TBC1D12: variants seen among roughly 807,000 people sequenced by gnomAD.
TBC1D12 encodes the protein TBC1 domain family member 12, also known as TBC1 domain family, member 12.
TBC1D12 carries 56 observed loss-of-function variants against 86.7 expected under a neutral mutation model. That is an observed-to-expected ratio of 0.65 (90% confidence interval 0.52 to 0.81). The LOEUF (loss-of-function observed/expected upper bound fraction) is 0.81, where lower values mean the gene tolerates loss of function less well. TBC1D12 is among the 30% of genes least tolerant of loss of function. The probability of loss-of-function intolerance (pLI) is 0.00; values close to 1 mark genes in which losing one functional copy is unlikely to be tolerated. For synonymous variants in TBC1D12, 421 were observed against 411.7 expected (o/e 1.02, Z -0.27); for missense variants, 1,023 against 1,038.8 (o/e 0.98, Z 0.21).
intron 6 of TBC1D12, among the ~76,000 whole-genome samples, chr10:94,505,349 C>A (rs1439838470): frequency 6.6e-6 from 1 of 152,144 alleles, no homozygotes; most frequent in African/African-American, 2.4e-5. Context: ...GAGGCCGAGG[C>A]AGGTGGATCA....
At chr10:94,532,910 T>G (rs1589684283) in intron 12 of TBC1D12, 118 bp from the exon 13 acceptor site, 1 of 562,384 alleles carries the variant, frequency 1.8e-6, no homozygotes, top group Non-Finnish European at 3.0e-6. Context: ...TGACACACTT[T>G]CGGGGACAGT....
At chr10:94,433,949 TA>T (rs1188469135) in intron 1 of TBC1D12, among the ~76,000 whole-genome samples, 1 of 151,898 alleles carries the variant, frequency 6.6e-6, no homozygotes, top group South Asian at 2.1e-4. Context: ...ATAATAGCTG[TA>T]AAAAAAACAA....
intron 1 of TBC1D12, among the ~76,000 whole-genome samples, chr10:94,431,361 G>C (rs1367706138): frequency 6.6e-6 from 1 of 150,464 alleles, no homozygotes; most frequent in Non-Finnish European, 1.5e-5. Flanking sequence ...TTTGCAGTGA[G>C]CCAAGATTGC....
chr10:94,441,411 G>C (rs1259784141), intron 1 of TBC1D12, among the ~76,000 whole-genome samples: 1 of 151,818 alleles, frequency 6.6e-6, no homozygotes, highest in Admixed American at 6.6e-5. Flanking sequence ...TTTGTTTTCA[G>C]AATTTTGGCT....
chr10:94,436,908 A>G (rs1462329410), intron 1 of TBC1D12, among the ~76,000 whole-genome samples: 1 of 151,804 alleles, frequency 6.6e-6, no homozygotes, highest in Non-Finnish European at 1.5e-5. Context: ...GGATTTCACC[A>G]TGTTGGCCAG....
chr10:94,503,848 CTCTTGACCTCCAGTGA>C (rs1321284916), intron 6 of TBC1D12, among the ~76,000 whole-genome samples: 2 of 152,216 alleles, frequency 1.3e-5, no homozygotes, highest in Non-Finnish European at 2.9e-5. Context: ...TGGTCTCGAA[CTCTTGACCTCCAGTGA>C]TAGGCCCACC....
intron 12 of TBC1D12, among the ~76,000 whole-genome samples, chr10:94,532,660 T>C (rs1301336853): frequency 6.6e-6 from 1 of 152,232 alleles, no homozygotes; most frequent in East Asian, 1.9e-4. Flanking sequence ...TCCTGGCTTT[T>C]AGATGCTTAG....
intron 1 of TBC1D12, among the ~76,000 whole-genome samples, chr10:94,405,846 T>C (rs1315386056): frequency 1.3e-5 from 2 of 151,848 alleles, no homozygotes; most frequent in African/African-American, 4.8e-5. Flanking sequence ...GTTTCCCTCT[T>C]TTGCCCAGGC....
chr10:94,413,935 G>A (rs2054962342), intron 1 of TBC1D12, among the ~76,000 whole-genome samples: 1 of 151,990 alleles, frequency 6.6e-6, no homozygotes, highest in Non-Finnish European at 1.5e-5. Flanking sequence ...CATACGTTAG[G>A]CATTATTTAG....
chr10:94,433,949 T>TA (rs1188469135), intron 1 of TBC1D12, among the ~76,000 whole-genome samples: 15 of 152,016 alleles, frequency 9.9e-5, no homozygotes, highest in Admixed American at 3.3e-4. Flanking sequence ...ATAATAGCTG[T>TA]AAAAAAAACA....
intron 11 of TBC1D12, among the ~76,000 whole-genome samples, chr10:94,529,920 A>G (rs1374296011): frequency 6.6e-6 from 1 of 152,198 alleles, no homozygotes; most frequent in Non-Finnish European, 1.5e-5. Context: ...GGAGTTTTAT[A>G]CTACCAAAAG....
intron 1 of TBC1D12, among the ~76,000 whole-genome samples, chr10:94,435,083 A>G (rs1332311595): frequency 6.6e-6 from 1 of 152,216 alleles, no homozygotes; most frequent in Non-Finnish European, 1.5e-5. Context: ...ATATACCACA[A>G]TTAGAATTTT....
intron 2 of TBC1D12, among the ~76,000 whole-genome samples, chr10:94,471,496 C>A (rs1012658970): frequency 2.6e-5 from 4 of 152,182 alleles, no homozygotes; most frequent in Non-Finnish European, 4.4e-5. Flanking sequence ...TGTAATTTAA[C>A]CCACACCTTT....
intron 9 of TBC1D12, among the ~76,000 whole-genome samples, chr10:94,513,015 T>G (rs1156339869): frequency 2.0e-5 from 3 of 150,530 alleles, no homozygotes; most frequent in Non-Finnish European, 3.0e-5. Context: ...TTGGGAGGCC[T>G]AGGCGGGCAG....
intron 9 of TBC1D12, 112 bp from the exon 10 acceptor site, chr10:94,521,843 T>C: frequency 1.0e-6 from 1 of 965,646 alleles, no homozygotes; most frequent in Non-Finnish European, 1.4e-6. Context: ...AAAAGAAATC[T>C]TGGTTAATTC....
At chr10:94,429,483 C>T (rs1410051091) in intron 1 of TBC1D12, among the ~76,000 whole-genome samples, 2 of 151,974 alleles carry the variant, frequency 1.3e-5, no homozygotes, top group East Asian at 1.9e-4. Flanking sequence ...AATCTTTGTG[C>T]CAGATCTTTA....
chr10:94,509,133 C>G (rs1286488333), intron 7 of TBC1D12: 1 of 126,178 alleles, frequency 7.9e-6, no homozygotes, highest in Non-Finnish European at 1.6e-5. Context: ...TTTTGAGATG[C>G]TCACCCTGTC....
intron 11 of TBC1D12, among the ~76,000 whole-genome samples, chr10:94,522,908 GTGGCA>G (rs963931145): frequency 1.3e-5 from 2 of 151,864 alleles, no homozygotes; most frequent in African/African-American, 2.4e-5. Context: ...GCCAGGTATA[GTGGCA>G]TGCACCTGTA....
intron 3 of TBC1D12, among the ~76,000 whole-genome samples, chr10:94,492,649 A>G (rs1468062897): frequency 6.6e-6 from 1 of 152,226 alleles, no homozygotes; most frequent in Non-Finnish European, 1.5e-5. Flanking sequence ...TAGTCCTTCA[A>G]TGTAAATTAA....
Sources: gnomAD v4.1 joint callset for allele counts (sites outside exome capture counted in the v4.1 genomes callset) on GRCh38, gnomAD v4.1.1 for gene constraint, MANE v1.5 for transcripts, NCBI Gene and HGNC (gene_info 2026-07-23, HGNC 2026-07-21) for gene names.